The following BMPR2 variants were observed in gnomAD, a reference collection of about 807,000 sequenced individuals.
The protein encoded by BMPR2 is bone morphogenetic protein receptor type-2.
A neutral mutation model predicts 100.8 loss-of-function variants in BMPR2; 29 were observed. The observed-to-expected ratio is 0.29, with a 90% CI of 0.21 to 0.39. The LOEUF (loss-of-function observed/expected upper bound fraction) is 0.39, where lower values mean the gene tolerates loss of function less well. Ranked by LOEUF, BMPR2 falls within the 10% of genes least tolerant of loss-of-function variation. The probability of loss-of-function intolerance (pLI) is 1.00; values close to 1 mark genes in which losing one functional copy is unlikely to be tolerated. For synonymous variants in BMPR2, 382 were observed against 442.3 expected, an observed-to-expected ratio of 0.86 and a Z score of 1.71; for missense variants, 1,011 against 1,274.5, an observed-to-expected ratio of 0.79 and a Z score of 3.15.
At chr2:202,390,019 T>G (rs1690515309) in intron 1 of BMPR2, among the ~76,000 whole-genome samples, 1 of 151,622 alleles carries the variant, frequency 6.6e-6, no homozygotes. Flanking sequence ...AAAAAAATCG[T>G]CTCGTGTTTC....
intron 10 of BMPR2, among the ~76,000 whole-genome samples, chr2:202,543,482 AT>A (rs2106032151): frequency 6.6e-6 from 1 of 151,656 alleles, no homozygotes; most frequent in African/African-American, 2.4e-5. Flanking sequence ...AGATGTATCT[AT>A]TTCTCTCCAT....
At chr2:202,451,853 G>A (rs1000250331) in intron 1 of BMPR2, among the ~76,000 whole-genome samples, 3 of 151,948 alleles carry the variant, frequency 2.0e-5, no homozygotes, top group Non-Finnish European at 2.9e-5. Flanking sequence ...AGGTTCAAGC[G>A]ATTCTCCTGT....
rs768517153 is a variant in BMPR2, at chr2:202,440,775, AGGGAGACCGGGGAGACCG to A, written c.77-24017_77-24000del. ...CAGTCCAGCCTTGGCTTGGCATCAG[AGGGAGACCGGGGAGACCG>A]GGGAGACCGGGGAGACTGGGGAGAG... is the stretch of plus-strand genomic sequence containing the variant. On this transcript the variant is annotated intron_variant, in intron 1 of 12. Transcript: ENST00000374580. 6.7e-5 allele frequency among the ~76,000 whole-genome samples: 10 copies of A among 150,154 alleles called. No homozygotes were observed. The East Asian group carries it at 1.5e-3, about 23-fold the overall frequency.
chr2:202,482,691 A>G (rs1397062013), intron 3 of BMPR2, among the ~76,000 whole-genome samples: 2 of 152,048 alleles, frequency 1.3e-5, no homozygotes, highest in Non-Finnish European at 2.9e-5. Flanking sequence ...GGCACCCGCC[A>G]CTATGTCCAG....
intron 1 of BMPR2, among the ~76,000 whole-genome samples, chr2:202,462,905 G>A (rs1221143391): frequency 6.6e-6 from 1 of 151,936 alleles, no homozygotes; most frequent in African/African-American, 2.4e-5. Flanking sequence ...TAGAAACAGG[G>A]TTTCACCATG....
At chr2:202,476,811 A>G (rs1203523354) in intron 3 of BMPR2, among the ~76,000 whole-genome samples, 1 of 152,114 alleles carries the variant, frequency 6.6e-6, no homozygotes, top group Non-Finnish European at 1.5e-5. Context: ...AAGTTAAATA[A>G]TAGTTGAACA....
chr2:202,525,891 G>C (rs940362442), intron 7 of BMPR2, among the ~76,000 whole-genome samples: 1 of 133,322 alleles, frequency 7.5e-6, no homozygotes, highest in Non-Finnish European at 1.6e-5. Flanking sequence ...TTGAGACGGA[G>C]TTTAGCTCTT....
intron 3 of BMPR2, among the ~76,000 whole-genome samples, chr2:202,487,102 A>C (rs1243163563): frequency 6.6e-6 from 1 of 152,348 alleles, no homozygotes; most frequent in South Asian, 2.1e-4. Context: ...TTTTATCCGC[A>C]TGATAGCAAA....
Position 202,560,884 on chromosome 2 carries a change from T to A in BMPR2, c.*938T>A, listed in dbSNP as rs977656114. ...TAGGTTCATGTTCCATGTTCATTTATTTAAGAAATACATTTTTATTGGTAA... is the reference window on the plus strand; with the variant it reads ...TAGGTTCATGTTCCATGTTCATTTAATTAAGAAATACATTTTTATTGGTAA... On this transcript the variant is annotated 3_prime_UTR_variant, in exon 13 of 13. Transcript: ENST00000374580. 2.0e-5 allele frequency: 3 copies of A among 152,222 alleles called. No individual in the cohort carries two copies. Among genetic ancestry groups the A allele is most frequent in the African/African-American group, 7.2e-5 (3 of 41,460 alleles). 9.4% of individuals were successfully genotyped at this position (152,222 alleles called of 1,614,324 possible).
rs181018885 is a variant in BMPR2 at position 202,456,494 on chromosome 2, G to A, written c.77-8315G>A. 5.8e-3 allele frequency among the ~76,000 whole-genome samples: 866 copies of A among 149,570 alleles called. 5 individuals are homozygous for A. Among genetic ancestry groups the A allele is most frequent in the African/African-American group, 0.02 (824 of 40,760 alleles). ...CGCCCGACCGATTGGTTCTATTTAT[G>A]TAGCACTTTTCTTTCTTTCTTTCTT... On this transcript the variant is annotated intron_variant, in intron 1 of 12. Coordinates refer to ENST00000374580, the MANE Select transcript of BMPR2 (RefSeq NM_001204.7).
rs1300733430 is a variant in BMPR2, at chr2:202,519,056, A to G, written c.852+4A>G. The G allele has an allele frequency of 3.7e-6, 6 of 1,613,052 alleles. No homozygotes were observed. Among genetic ancestry groups the G allele is most frequent in the Non-Finnish European group, 5.1e-6 (6 of 1,179,186 alleles). The stretch of plus-strand genomic sequence containing the variant: ...TGTGATGGAGTACTATCCCAATGTA[A>G]GTTCTTCATAGAAAATAAACTGAGG... On this transcript the variant is annotated splice_donor_region_variant and intron_variant, in intron 6 of 12. Coordinates refer to ENST00000374580, the MANE Select transcript of BMPR2 (RefSeq NM_001204.7).
chr2:202,467,385 C>T, intron 2 of BMPR2, 134 bp from the exon 3 acceptor site: 1 of 778,226 alleles, frequency 1.3e-6, no homozygotes, highest in Non-Finnish European at 2.1e-6. Flanking sequence ...AAATATGTTT[C>T]CTGTTGATTT....
intron 1 of BMPR2, among the ~76,000 whole-genome samples, chr2:202,378,337 A>G (rs1690198748): frequency 6.6e-6 from 1 of 151,956 alleles, no homozygotes; most frequent in Admixed American, 6.6e-5. Context: ...ATTTGCAACT[A>G]TTTTTTCAAG....
At chr2:202,446,867 GTCTCAAAC>G (rs903097702) in intron 1 of BMPR2, among the ~76,000 whole-genome samples, 4 of 149,136 alleles carry the variant, frequency 2.7e-5, no homozygotes, top group Non-Finnish European at 4.4e-5. Context: ...GGCCAGGCTG[GTCTCAAAC>G]TCCCGACCTC....
chr2:202,468,168 T>C (rs1692363707), intron 3 of BMPR2, among the ~76,000 whole-genome samples: 1 of 151,824 alleles, frequency 6.6e-6, no homozygotes, highest in African/African-American at 2.4e-5. Context: ...AATATATTAC[T>C]AAATAACTTT....
chr2:202,435,373 ATAC>A lies in BMPR2; in HGVS notation c.77-29435_77-29433del, dbSNP rs1363332865. On this transcript the variant is annotated intron_variant, in intron 1 of 12. Coordinates refer to ENST00000374580, the MANE Select transcript of BMPR2 (RefSeq NM_001204.7). ...AGCCAGATCCTGTCTCAAAAAAAAAATACATATATATATATATATATATATATA... is the reference window on the plus strand; with the variant it reads ...AGCCAGATCCTGTCTCAAAAAAAAAAATATATATATATATATATATATATA... 3.5e-4 allele frequency among the ~76,000 whole-genome samples: 26 copies of A among 74,102 alleles called. 1 individual carries two copies. Among genetic ancestry groups the A allele is most frequent in the East Asian group, 1.9e-3 (7 of 3,742 alleles). 48.6% of individuals were successfully genotyped at this position (74,102 alleles called of 152,430 possible).
chr2:202,407,641 C>T (rs1265860810), intron 1 of BMPR2, among the ~76,000 whole-genome samples: 2 of 150,692 alleles, frequency 1.3e-5, no homozygotes, highest in Non-Finnish European at 1.5e-5. Context: ...TGGTGGCGGG[C>T]GCCTGTAGTC....
intron 3 of BMPR2, among the ~76,000 whole-genome samples, chr2:202,501,629 A>G (rs1687396735): frequency 6.6e-6 from 1 of 152,246 alleles, no homozygotes; most frequent in Non-Finnish European, 1.5e-5. Context: ...AGCAGTGGCC[A>G]TCTTAGCATC....
chr2:202,555,548 C>G lies in BMPR2; in HGVS notation c.1883C>G (p.Thr628Ser). Residue 628 changes from threonine (T) to serine (S), a missense_variant, in exon 12 of 13, where the codon ACT becomes AGT. Coordinates refer to ENST00000374580, the MANE Select transcript of BMPR2 (RefSeq NM_001204.7). ...TGLTPSTGMT[T>S]ISEMPYPDET... ...CTCACGCCAAGTACTGGCATGACTA[C>G]TATATCTGAGATGCCATACCCAGAT... The G allele has an allele frequency of 6.2e-7, 1 of 1,614,180 alleles. No individual in the cohort carries two copies. Among genetic ancestry groups the G allele is most frequent in the South Asian group, 1.1e-5 (1 of 91,086 alleles).
Sources: gnomAD v4.1 joint callset for allele counts (sites outside exome capture counted in the v4.1 genomes callset) on GRCh38, gnomAD v4.1.1 for gene constraint, MANE v1.5 for transcripts, NCBI Gene and HGNC (gene_info 2026-07-23, HGNC 2026-07-21) for gene names.